Variants in STIM1 observed in about 807,000 individuals in gnomAD.
STIM1 encodes stromal interaction molecule 1.
A neutral mutation model predicts 74.7 loss-of-function variants in STIM1; 25 were observed. That is an observed-to-expected ratio of 0.33 (90% CI 0.24 to 0.47). The LOEUF is 0.47. Ranked by LOEUF, STIM1 falls within the 20% of genes least tolerant of loss-of-function variation. The pLI is 1.00. For missense variants in STIM1, 728 were observed against 920.8 expected (o/e 0.79, Z 2.71); for synonymous variants, 328 against 348.8 (o/e 0.94, Z 0.66).
chr11:3,977,631 A>G (rs1299706736), intron 2 of STIM1, among the ~76,000 whole-genome samples: 2 of 152,264 alleles, frequency 1.3e-5, no homozygotes, highest in African/African-American at 4.8e-5. Context: ...AAGAGGCTCA[A>G]TTAAAGTTTT....
At chr11:4,062,856 A>T (rs940219483) in intron 5 of STIM1, among the ~76,000 whole-genome samples, 3 of 149,912 alleles carry the variant, frequency 2.0e-5, no homozygotes, top group Non-Finnish European at 4.4e-5. Context: ...AGTGGAAACA[A>T]CTCAAGTGTC....
intron 1 of STIM1, among the ~76,000 whole-genome samples, chr11:3,866,319 A>G (rs1360505785): frequency 6.6e-6 from 1 of 152,050 alleles, no homozygotes; most frequent in Non-Finnish European, 1.5e-5. Flanking sequence ...CACTAATTCT[A>G]GCTGTGAGAT....
intron 1 of STIM1, among the ~76,000 whole-genome samples, chr11:3,875,698 C>T (rs2091286406): frequency 6.6e-6 from 1 of 150,576 alleles, no homozygotes; most frequent in South Asian, 2.1e-4. Context: ...TGCACTCCAG[C>T]CTGGGTGACA....
chr11:3,951,706 A>G (rs1038550274), intron 1 of STIM1, among the ~76,000 whole-genome samples: 8 of 152,128 alleles, frequency 5.3e-5, no homozygotes, highest in Non-Finnish European at 8.8e-5. Context: ...CATGCCCCCT[A>G]GGTGTTGTCC....
chr11:3,894,409 TG>T lies in STIM1; in HGVS notation c.139+38006del, dbSNP rs2091992973. ...GGGGCGGGAGTCCCAAGGGGTGGAG[TG>T]GGGGGTTCTGCTTTGATGAGCAAAG... On this transcript the variant is annotated intron_variant, in intron 1 of 12. Coordinates refer to ENST00000526596, the MANE Select transcript of STIM1 (RefSeq NM_001382567.1). 1.3e-5 allele frequency among the ~76,000 whole-genome samples: 2 copies of T among 150,610 alleles called. 1 individual carries two copies. The highest frequency in any genetic ancestry group is 4.2e-4 in the South Asian group (2 of 4,760).
intron 1 of STIM1, among the ~76,000 whole-genome samples, chr11:3,913,737 C>A (rs2092600439): frequency 6.6e-6 from 1 of 152,170 alleles, no homozygotes; most frequent in Admixed American, 6.5e-5. Flanking sequence ...CTATCTAGCA[C>A]CAAAACATTT....
chr11:3,881,725 C>T (rs1200694914), intron 1 of STIM1, among the ~76,000 whole-genome samples: 1 of 151,730 alleles, frequency 6.6e-6, no homozygotes, highest in African/African-American at 2.4e-5. Flanking sequence ...GCTCTGTAGC[C>T]CAGGCTGGAG....
intron 11 of STIM1, chr11:4,086,258 A>G (rs1374115323): frequency 5.0e-6 from 3 of 599,072 alleles, no homozygotes; most frequent in Non-Finnish European, 8.8e-6. Flanking sequence ...GTCTCCTTCT[A>G]TTGGAATTGC....
chr11:4,050,688 T>A (rs780220892), intron 3 of STIM1, among the ~76,000 whole-genome samples: 3 of 152,224 alleles, frequency 2.0e-5, no homozygotes, highest in Non-Finnish European at 4.4e-5. Context: ...GGGTGCTGAC[T>A]GTCCCTTTTC....
At chr11:3,885,717 AG>A (rs2091680168) in intron 1 of STIM1, among the ~76,000 whole-genome samples, 1 of 152,134 alleles carries the variant, frequency 6.6e-6, no homozygotes, top group African/African-American at 2.4e-5. Flanking sequence ...GGCTCACTGT[AG>A]CCTTGACCTC....
intron 2 of STIM1, among the ~76,000 whole-genome samples, chr11:3,983,889 T>C (rs1312036188): frequency 6.6e-6 from 1 of 151,810 alleles, no homozygotes; most frequent in East Asian, 1.9e-4. Flanking sequence ...TTTTTTTAGA[T>C]GGAGTTTCCT....
intron 2 of STIM1, among the ~76,000 whole-genome samples, chr11:4,017,249 T>C (rs572950169): frequency 6.6e-6 from 1 of 152,252 alleles, no homozygotes; most frequent in Non-Finnish European, 1.5e-5. Flanking sequence ...GCCTGATTGT[T>C]GCAGCTTCAT....
chr11:4,016,356 G>T (rs2093896778), intron 2 of STIM1, among the ~76,000 whole-genome samples: 1 of 152,164 alleles, frequency 6.6e-6, no homozygotes, highest in Non-Finnish European at 1.5e-5. Context: ...GACCCTGTTT[G>T]CCTGGGTATC....
chr11:3,991,966 A>AG (rs1337031309), intron 2 of STIM1, among the ~76,000 whole-genome samples: 17 of 106,924 alleles, frequency 1.6e-4, no homozygotes, highest in East Asian at 1.5e-3. Context: ...AAAAAAAAAA[A>AG]AAAAAAGAAA....
intron 5 of STIM1, among the ~76,000 whole-genome samples, chr11:4,069,585 T>C (rs2094390700): frequency 6.6e-6 from 1 of 152,212 alleles, no homozygotes; most frequent in South Asian, 2.1e-4. Flanking sequence ...GAACTGAGGC[T>C]TCTGGTGACA....
rs1274773042 is a variant in STIM1 at position 4,093,052 on chromosome 11, C to G, written c.*1254C>G. On this transcript the variant is annotated 3_prime_UTR_variant, in exon 13 of 13. Coordinates refer to ENST00000526596, the MANE Select transcript of STIM1 (RefSeq NM_001382567.1). Reference sequence around the variant, plus strand: ...CCTGCCATACCTTTATCCTGGGATCCTATTTTGGGCCTGGGGTGGGTATAC... The same window carrying G: ...CCTGCCATACCTTTATCCTGGGATCGTATTTTGGGCCTGGGGTGGGTATAC... 6.6e-6 allele frequency: 1 copy of G among 152,642 alleles called. No homozygotes were observed. The highest frequency in any genetic ancestry group is 1.5e-5 in the Non-Finnish European group (1 of 68,138). 9.5% of individuals were successfully genotyped at this position (152,642 alleles called of 1,614,324 possible). A position where few individuals can be genotyped will look rare whatever the true frequency, so the allele number is the denominator to read the frequency against.
At chr11:3,888,191 G>A (rs1174650562) in intron 1 of STIM1, 2 of 152,322 alleles carry the variant, frequency 1.3e-5, no homozygotes, top group East Asian at 3.9e-4. Flanking sequence ...TAAGGAGTGA[G>A]GGGTTTGTCC....
chr11:3,877,792 AT>A (rs1368161679), intron 1 of STIM1, among the ~76,000 whole-genome samples: 1 of 152,096 alleles, frequency 6.6e-6, no homozygotes, highest in Non-Finnish European at 1.5e-5. Flanking sequence ...GGCCAGTAGG[AT>A]TTATCTGTCT....
rs151132094 is a variant in STIM1, at chr11:3,900,264, C to T, written c.139+43855C>T. Among the ~76,000 whole-genome samples, 363 of 152,230 alleles carry T rather than the reference C, an allele frequency of 2.4e-3. 1 individual carries two copies. The highest frequency in any genetic ancestry group is 4.0e-3 in the Non-Finnish European group (275 of 68,020). On this transcript the variant is annotated intron_variant, in intron 1 of 12. Transcript: ENST00000526596. The stretch of plus-strand genomic sequence containing the variant: ...AGGTGCGGGATACAATCTCCTGGTG[C>T]GCTGTTTTTTAAGCCCGTGGGAAAA...
Sources: allele counts gnomAD v4.1 joint callset (sites outside exome capture counted in the v4.1 genomes callset), GRCh38; gene constraint gnomAD v4.1.1; transcripts MANE v1.5; gene names NCBI Gene and HGNC (gene_info 2026-07-23, HGNC 2026-07-21).